PDE8B: variants seen among roughly 807,000 people sequenced by gnomAD.
PDE8B encodes high affinity cAMP-specific and IBMX-insensitive 3',5'-cyclic phosphodiesterase 8B.
In PDE8B, 26 loss-of-function variants were observed where a neutral mutation model predicts 101.3. The ratio of observed to expected loss-of-function variants is 0.26; its 90% CI spans 0.19 to 0.36. The LOEUF is 0.36. Ranked by LOEUF, PDE8B falls within the 10% of genes least tolerant of loss-of-function variation. The probability of loss-of-function intolerance (pLI) is 1.00; values close to 1 mark genes in which losing one functional copy is unlikely to be tolerated. For missense variants in PDE8B, 810 were observed against 1,163.1 expected, an observed-to-expected ratio of 0.70 and a Z score of 4.42; for synonymous variants, 424 against 429.3, an observed-to-expected ratio of 0.99 and a Z score of 0.15.
intron 10 of PDE8B, among the ~76,000 whole-genome samples, chr5:77,398,634 T>C (rs1791590223): frequency 6.6e-6 from 1 of 152,224 alleles, no homozygotes; most frequent in Admixed American, 6.5e-5. Flanking sequence ...TGTTTTACTT[T>C]TGTGTCTGCT....
chr5:77,369,164 C>G (rs1020042966), intron 10 of PDE8B, among the ~76,000 whole-genome samples: 12 of 133,640 alleles, frequency 9.0e-5, no homozygotes, highest in Non-Finnish European at 4.6e-5. Context: ...GATCATGCCA[C>G]TGCACTCCAG....
chr5:77,254,689 G>A (rs754549050), intron 1 of PDE8B, among the ~76,000 whole-genome samples: 1 of 152,016 alleles, frequency 6.6e-6, no homozygotes, highest in Non-Finnish European at 1.5e-5. Context: ...AATCATAATT[G>A]GAGTTAATTT....
chr5:77,156,867 T>A, the PDE8B span, among the ~76,000 whole-genome samples: 1 of 152,104 alleles, frequency 6.6e-6, no homozygotes, highest in East Asian at 1.9e-4. Context: ...GGCTGCTGGC[T>A]GTTTCAGCCA....
chr5:77,101,972 C>T, the PDE8B span, among the ~76,000 whole-genome samples: 19 of 152,044 alleles, frequency 1.2e-4, no homozygotes, highest in African/African-American at 3.6e-4. Flanking sequence ...ACAATATGAA[C>T]GTACTTAATG....
the PDE8B span, chr5:77,087,554 G>A: frequency 1.3e-5 from 2 of 152,318 alleles, no homozygotes; most frequent in African/African-American, 4.8e-5. Context: ...ACAGATGAAG[G>A]CGGCGCTTAT....
chr5:77,124,185 T>C, the PDE8B span, among the ~76,000 whole-genome samples: 1 of 151,600 alleles, frequency 6.6e-6, no homozygotes, highest in Non-Finnish European at 1.5e-5. Context: ...AATAGACATA[T>C]GAAGAAAAAG....
At chr5:77,174,348 AT>A in the PDE8B span, among the ~76,000 whole-genome samples, 1 of 152,130 alleles carries the variant, frequency 6.6e-6, no homozygotes, top group African/African-American at 2.4e-5. Context: ...ACATCCATGT[AT>A]ATGATCCCTT....
At chr5:77,222,172 G>A (rs1751242793) in intron 1 of PDE8B, among the ~76,000 whole-genome samples, 1 of 152,188 alleles carries the variant, frequency 6.6e-6, no homozygotes, top group Non-Finnish European at 1.5e-5. Context: ...TGGAGAAGCT[G>A]CATGATTTCT....
intron 1 of PDE8B, among the ~76,000 whole-genome samples, chr5:77,276,626 T>C (rs74349569): frequency 0.015 from 2,267 of 152,346 alleles, 49 homozygotes; most frequent in East Asian, 0.096. Flanking sequence ...GAGTGTCTAA[T>C]GTGTCTAACT....
At position 77,210,783 on chromosome 5, in the gene PDE8B, C is replaced by A; in HGVS notation, c.-143C>A. 1 of 983,112 alleles carries A rather than the reference C, an allele frequency of 1.0e-6. No homozygotes were observed. Among genetic ancestry groups the A allele is most frequent in the Non-Finnish European group, 1.2e-6 (1 of 829,838 alleles). The allele number at this position is 983,112 out of a possible 1,614,324, so 60.9% of individuals were successfully genotyped here. Reference sequence around the variant, plus strand: ...CTCGGCGGGGGGCACCGCGGCCAGCCCGACGGAGCGGCGGACACACAGGCC... The same window carrying A: ...CTCGGCGGGGGGCACCGCGGCCAGCACGACGGAGCGGCGGACACACAGGCC... On this transcript the variant is annotated 5_prime_UTR_variant, in exon 1 of 22. Coordinates refer to ENST00000264917, the MANE Select transcript of PDE8B (RefSeq NM_003719.5). This position sits in a 1 kb window ranked among gnomAD's most constrained non-coding sequence, Gnocchi z 4.9.
intron 1 of PDE8B, among the ~76,000 whole-genome samples, chr5:77,218,478 T>C (rs1009324542): frequency 1.4e-4 from 21 of 152,212 alleles, no homozygotes; most frequent in African/African-American, 4.8e-4. Flanking sequence ...CTTAAGTGTG[T>C]TGCACACTCA....
chr5:77,196,141 TAA>T, the PDE8B span, among the ~76,000 whole-genome samples: 12 of 152,196 alleles, frequency 7.9e-5, no homozygotes, highest in Admixed American at 5.2e-4. Context: ...AGTTGAGTTA[TAA>T]GAGTTTTCTT....
intron 11 of PDE8B, among the ~76,000 whole-genome samples, chr5:77,400,589 AG>A: frequency 6.6e-6 from 1 of 152,338 alleles, no homozygotes; most frequent in South Asian, 2.1e-4. Flanking sequence ...CCGAAAGTCT[AG>A]GGGAGACACT....
chr5:77,100,160 G>A, the PDE8B span: 3 of 152,178 alleles, frequency 2.0e-5, no homozygotes, highest in Non-Finnish European at 4.4e-5. Context: ...TACTACTACT[G>A]CCTAAGAATG....
At chr5:77,401,203 T>C (rs1792186326) in intron 11 of PDE8B, among the ~76,000 whole-genome samples, 1 of 152,208 alleles carries the variant, frequency 6.6e-6, no homozygotes. Context: ...CTGAAAACTT[T>C]CTAGACATGA....
rs1794666766 is a variant in PDE8B at position 77,412,020 on chromosome 5, A to G, written c.1577-80A>G. 7.0e-6 allele frequency: 10 copies of G among 1,423,226 alleles called. No individual in the cohort carries two copies. In the South Asian group the frequency reaches 8.0e-5, roughly 11 times the overall value. 88.2% of individuals were successfully genotyped at this position (1,423,226 alleles called of 1,614,324 possible). On this transcript the variant is annotated intron_variant, in intron 15 of 21. Transcript: ENST00000264917. Reference sequence around the variant, plus strand: ...GTACAAGACTTTTTTTCTAGTAGTAACTATGAAGATGATGACAGACACCCG... The same window carrying G: ...GTACAAGACTTTTTTTCTAGTAGTAGCTATGAAGATGATGACAGACACCCG...
At chr5:77,150,428 C>T in the PDE8B span, among the ~76,000 whole-genome samples, 2 of 151,986 alleles carry the variant, frequency 1.3e-5, no homozygotes, top group African/African-American at 4.8e-5. Flanking sequence ...TTTCTCCCTT[C>T]CTCTTTCCCT....
intron 1 of PDE8B, among the ~76,000 whole-genome samples, chr5:77,266,709 A>T (rs538917154): frequency 5.3e-5 from 8 of 152,218 alleles, no homozygotes; most frequent in Non-Finnish European, 1.2e-4. Flanking sequence ...TTCAATATTT[A>T]TGAATTCAGT....
chr5:77,109,965 TCTCA>T, the PDE8B span, among the ~76,000 whole-genome samples: 1 of 113,886 alleles, frequency 8.8e-6, no homozygotes, highest in African/African-American at 3.4e-5. Context: ...TGAGATGGAG[TCTCA>T]CTCTGTCATC....
Sources: gnomAD v4.1 joint callset for allele counts (sites outside exome capture counted in the v4.1 genomes callset) on GRCh38, gnomAD v4.1.1 for gene constraint, Gnocchi (gnomAD v3.1) non-coding constraint, MANE v1.5 for transcripts, NCBI Gene and HGNC (gene_info 2026-07-23, HGNC 2026-07-21) for gene names.